Variants in PCDH9 observed in about 807,000 individuals in gnomAD.
The protein encoded by PCDH9 is protocadherin-9.
Under a neutral mutation model 70.6 loss-of-function variants are expected in PCDH9, and 24 were observed. The observed-to-expected ratio is 0.34, with a 90% CI of 0.25 to 0.48. PCDH9 has a LOEUF of 0.48. Ranked by LOEUF, PCDH9 falls within the 20% of genes least tolerant of loss-of-function variation. The pLI is 0.99. For synonymous variants in PCDH9, 562 were observed against 558.5 expected (o/e 1.01, Z -0.09); for missense variants, 1,281 against 1,503.6 (o/e 0.85, Z 2.45).
chr13:66,975,306 A>G (rs1018873077), intron 2 of PCDH9, among the ~76,000 whole-genome samples: 1 of 152,088 alleles, frequency 6.6e-6, no homozygotes, highest in African/African-American at 2.4e-5. Context: ...AGGAAGATAC[A>G]ATCCATTCTA....
chr13:67,026,630 G>C (rs1356998104), intron 2 of PCDH9, among the ~76,000 whole-genome samples: 2 of 152,044 alleles, frequency 1.3e-5, no homozygotes, highest in Non-Finnish European at 2.9e-5. Context: ...AATTGTCCTT[G>C]TTTGCAGATG....
At chr13:66,380,578 C>G (rs1040928411) in intron 4 of PCDH9, among the ~76,000 whole-genome samples, 15 of 110,858 alleles carry the variant, frequency 1.4e-4, no homozygotes, top group African/African-American at 3.5e-4. Flanking sequence ...GAGTCTTGCT[C>G]TGTTGCCCAG....
At chr13:67,218,206 T>C (rs1364710113) in intron 2 of PCDH9, 1 of 152,120 alleles carries the variant, frequency 6.6e-6, no homozygotes, top group Non-Finnish European at 1.5e-5. Flanking sequence ...ACTGTGTTCA[T>C]ACAGATCTAT....
intron 4 of PCDH9, among the ~76,000 whole-genome samples, chr13:66,402,527 A>G (rs1957205900): frequency 6.6e-6 from 1 of 152,096 alleles, no homozygotes; most frequent in Non-Finnish European, 1.5e-5. Context: ...TAAGATTTTA[A>G]AGTCATAATG....
chr13:67,131,510 C>A (rs544850288), intron 2 of PCDH9, among the ~76,000 whole-genome samples: 59 of 152,180 alleles, frequency 3.9e-4, no homozygotes, highest in African/African-American at 1.4e-3. Flanking sequence ...CATTTCTGAA[C>A]TTTTGACATC....
intron 4 of PCDH9, among the ~76,000 whole-genome samples, chr13:66,389,309 C>T (rs547679849): frequency 2.0e-5 from 3 of 152,110 alleles, no homozygotes; most frequent in East Asian, 3.9e-4. Context: ...TGTGAAAGAA[C>T]TTTGAAAAAA....
intron 3 of PCDH9, among the ~76,000 whole-genome samples, chr13:66,832,054 T>A (rs1278211002): frequency 6.6e-6 from 1 of 152,090 alleles, no homozygotes; most frequent in Non-Finnish European, 1.5e-5. Flanking sequence ...GCCACTACAG[T>A]TTTCAGAGTT....
At chr13:66,718,657 C>T (rs755035590) in intron 3 of PCDH9, among the ~76,000 whole-genome samples, 5 of 152,094 alleles carry the variant, frequency 3.3e-5, no homozygotes, top group African/African-American at 4.8e-5. Context: ...TAAGTTACTA[C>T]GTGAATTATA....
intron 4 of PCDH9, among the ~76,000 whole-genome samples, chr13:66,612,132 G>A (rs2077300524): frequency 6.6e-6 from 1 of 152,214 alleles, no homozygotes; most frequent in Non-Finnish European, 1.5e-5. Flanking sequence ...ACCTTAAGGA[G>A]TGGTTTAATC....
chr13:66,681,176 C>A lies in PCDH9; in HGVS notation c.3139-49765G>T, dbSNP rs1167669575. Among the ~76,000 whole-genome samples the A allele has an allele frequency of 3.3e-5, 5 of 152,046 alleles. 1 individual carries two copies. The highest frequency in any genetic ancestry group is 6.6e-5 in the Admixed American group (1 of 15,220). ...CAATCACTTTACCCCCCACAATATA[C>A]TATTTGTGTATTTGATGAAATAAAC... On this transcript the variant is annotated intron_variant, in intron 3 of 4. Coordinates refer to ENST00000377865, the MANE Select transcript of PCDH9 (RefSeq NM_203487.3).
At chr13:67,124,941 C>T (rs2086947419) in intron 2 of PCDH9, among the ~76,000 whole-genome samples, 1 of 152,078 alleles carries the variant, frequency 6.6e-6, no homozygotes, top group African/African-American at 2.4e-5. Flanking sequence ...AGGAGAGTGA[C>T]TTTTTAAGTT....
intron 4 of PCDH9, among the ~76,000 whole-genome samples, chr13:66,406,719 T>C (rs934787745): frequency 6.6e-6 from 1 of 152,170 alleles, no homozygotes; most frequent in Non-Finnish European, 1.5e-5. Flanking sequence ...GGTGTTTTCA[T>C]TCACCACTGA....
chr13:67,147,993 G>T (rs533695210), intron 2 of PCDH9, among the ~76,000 whole-genome samples: 2 of 152,256 alleles, frequency 1.3e-5, no homozygotes, highest in South Asian at 4.1e-4. Context: ...AGCAGACCCA[G>T]AAAGTCGGCT....
intron 4 of PCDH9, among the ~76,000 whole-genome samples, chr13:66,510,161 A>G (rs564072788): frequency 2.0e-4 from 30 of 152,174 alleles, no homozygotes; most frequent in Admixed American, 1.7e-3. Flanking sequence ...TTAGTTATGA[A>G]TATACATTAT....
At chr13:66,547,110 T>C (rs190116332) in intron 4 of PCDH9, among the ~76,000 whole-genome samples, 32 of 152,320 alleles carry the variant, frequency 2.1e-4, no homozygotes, top group Middle Eastern at 3.4e-3. Flanking sequence ...TTATTCATCT[T>C]ACCAAACTTT....
At chr13:66,570,016 T>C (rs1026834275) in intron 4 of PCDH9, among the ~76,000 whole-genome samples, 2 of 152,146 alleles carry the variant, frequency 1.3e-5, no homozygotes, top group African/African-American at 4.8e-5. Context: ...ACAGTCCAAA[T>C]GTCTTTCAAC....
chr13:66,859,827 T>C (rs77569860), intron 3 of PCDH9, among the ~76,000 whole-genome samples: 4,625 of 152,220 alleles, frequency 0.03, 242 homozygotes, highest in African/African-American at 0.1. Context: ...TGCTTTGTAA[T>C]CCTTTGTTTT....
At chr13:66,948,132 T>C (rs2083119125) in intron 2 of PCDH9, among the ~76,000 whole-genome samples, 1 of 152,090 alleles carries the variant, frequency 6.6e-6, no homozygotes, top group Non-Finnish European at 1.5e-5. Flanking sequence ...CAGAGTATAG[T>C]GTTGATATTG....
intron 3 of PCDH9, among the ~76,000 whole-genome samples, chr13:66,854,420 A>G (rs952699273): frequency 1.3e-5 from 2 of 152,174 alleles, no homozygotes; most frequent in African/African-American, 4.8e-5. Context: ...CATGGATTCT[A>G]TATTCGTGAA....
Sources: allele counts gnomAD v4.1 joint callset (sites outside exome capture counted in the v4.1 genomes callset), GRCh38; gene constraint gnomAD v4.1.1; transcripts MANE v1.5; gene names NCBI Gene and HGNC (gene_info 2026-07-23, HGNC 2026-07-21).